INSR: variants seen among roughly 807,000 people sequenced by gnomAD.
The protein encoded by INSR is insulin receptor, also known as IR.
A neutral mutation model predicts 142.6 loss-of-function variants in INSR; 67 were observed. That is an observed-to-expected ratio of 0.47 (90% confidence interval 0.39 to 0.58). The LOEUF is 0.58. Ranked by LOEUF, INSR falls within the 20% of genes least tolerant of loss-of-function variation. INSR has a pLI of 0.00. For missense variants in INSR, 1,248 were observed against 1,833.2 expected (o/e 0.68, Z 5.83); for synonymous variants, 756 against 743.1 (o/e 1.02, Z -0.28).
chr19:7,183,264 GT>G, intron 3 of INSR, among the ~76,000 whole-genome samples: 1 of 26,182 alleles, frequency 3.8e-5, no homozygotes, highest in Non-Finnish European at 7.4e-5. Context: ...TTGTTTTGTG[GT>G]GTGTGTGTGT....
In INSR at chr19:7,174,608, A is replaced by G. The variant is rs2229435; in HGVS notation, c.1098T>C (p.Ser366=). ...ELRGCTVING[S]LIINIRGGNN... is the part of the protein sequence containing the mutation. ...TGCCTCCTCGAATGTTGATGATCAG[A>G]CTCCCGTTGATGACGGTGCATCCTC... Residue 366 remains serine, a synonymous_variant, in exon 4 of 22, where the codon AGT becomes AGC. Transcript: ENST00000302850. The G allele has an allele frequency of 0.013, 21,758 of 1,613,494 alleles. 173 individuals are homozygous for G. Among genetic ancestry groups the G allele is most frequent in the Non-Finnish European group, 0.016 (19,172 of 1,179,878 alleles).
chr19:7,119,643 C>G lies in INSR; in HGVS notation c.3660-60G>C. ...CCATTTAGACACACACACACACGCG[C>G]GCGCGCAAACACACACACGCAAACG... On this transcript the variant is annotated intron_variant, in intron 20 of 21. Coordinates refer to ENST00000302850, the MANE Select transcript of INSR (RefSeq NM_000208.4). This position sits in a 1 kb window ranked among gnomAD's most constrained non-coding sequence, Gnocchi z 5.2. 6.3e-7 allele frequency: 1 copy of G among 1,587,864 alleles called. No individual in the cohort carries two copies. The highest frequency in any genetic ancestry group is 8.6e-7 in the Non-Finnish European group (1 of 1,163,452).
chr19:7,118,912 C>T (rs1972407342), intron 21 of INSR, among the ~76,000 whole-genome samples: 1 of 59,784 alleles, frequency 1.7e-5, no homozygotes, highest in African/African-American at 7.5e-5. Context: ...AAGATTCCGT[C>T]TCAAAAAAAA....
chr19:7,125,364 G>A lies in INSR; in HGVS notation c.3177C>T (p.Val1059=). ...GCTCTCGGAGACTGGCTGACTCGTT[G>A]ACCGTCTTCACCGCCACGCGGGTCT... ...EAETRVAVKT[V]NESASLRERI... is the part of the protein sequence containing the mutation. The change falls in exon 17 of 22, where the codon GTC becomes GTT. Residue 1059 remains valine (V), a synonymous_variant. Transcript: ENST00000302850. The surrounding 1 kb of genome is among the most constrained non-coding windows in gnomAD (Gnocchi z 4.9). The A allele has an allele frequency of 6.2e-7, 1 of 1,614,106 alleles. No homozygotes were observed. Among genetic ancestry groups the A allele is most frequent in the Non-Finnish European group, 8.5e-7 (1 of 1,180,026 alleles).
intron 1 of INSR, among the ~76,000 whole-genome samples, chr19:7,280,219 G>C (rs550785898): frequency 5.3e-5 from 8 of 151,188 alleles, no homozygotes; most frequent in African/African-American, 1.9e-4. Flanking sequence ...AGTCGAGACT[G>C]CGCCACTGCA....
At position 7,166,081 on chromosome 19, in the gene INSR, C is replaced by A; in HGVS notation, c.1861+73G>T. The stretch of plus-strand genomic sequence containing the variant: ...CCATATCAAGGAGCATTTTATACAA[C>A]CTCACTGCATCAGCCTATTAAAAGC... On this transcript the variant is annotated intron_variant, in intron 8 of 21. Transcript: ENST00000302850. The surrounding 1 kb of genome is among the most constrained non-coding windows in gnomAD (Gnocchi z 4.1). The A allele has an allele frequency of 6.4e-7, 1 of 1,558,292 alleles. No homozygotes were observed.
At chr19:7,247,611 G>A (rs770789639) in intron 2 of INSR, among the ~76,000 whole-genome samples, 2 of 152,104 alleles carry the variant, frequency 1.3e-5, no homozygotes, top group Non-Finnish European at 2.9e-5. Context: ...TCGAAAGAGG[G>A]GATATACCAG....
At chr19:7,184,262 A>T (rs1974356738) in intron 3 of INSR, 54 bp downstream of exon 3, 1 of 1,520,346 alleles carries the variant, frequency 6.6e-7, no homozygotes, top group African/African-American at 1.4e-5. Flanking sequence ...GTCACAACCA[A>T]CCCCACGTTC....
intron 1 of INSR, among the ~76,000 whole-genome samples, chr19:7,274,306 G>C (rs954353373): frequency 4.6e-5 from 7 of 151,780 alleles, no homozygotes; most frequent in African/African-American, 1.7e-4. Context: ...GCGGAGCTCA[G>C]GCGGCAATGC....
Position 7,267,215 on chromosome 19 carries a change from G to T in INSR, c.652+130C>A. The T allele has an allele frequency of 1.1e-6, 1 of 944,538 alleles. No homozygotes were observed. Among genetic ancestry groups the T allele is most frequent in the Non-Finnish European group, 1.7e-6 (1 of 597,554 alleles). The allele number at this position is 944,538 out of a possible 1,614,324, so 58.5% of individuals were successfully genotyped here. ...AAAATGTCTGCCACTCCCTGGGCTA[G>T]TGAATGCCACCACCCACTATTCCCC... On this transcript the variant is annotated intron_variant, in intron 2 of 21. Coordinates refer to ENST00000302850, the MANE Select transcript of INSR (RefSeq NM_000208.4). This position sits in a 1 kb window ranked among gnomAD's most constrained non-coding sequence, Gnocchi z 6.3.
At chr19:7,235,648 A>G (rs868542873) in intron 2 of INSR, among the ~76,000 whole-genome samples, 5 of 152,072 alleles carry the variant, frequency 3.3e-5, no homozygotes, top group African/African-American at 9.7e-5. Flanking sequence ...CCAGGGGTTC[A>G]AGACCAGCCT....
At chr19:7,279,199 TC>T (rs1317794871) in intron 1 of INSR, among the ~76,000 whole-genome samples, 8 of 151,370 alleles carry the variant, frequency 5.3e-5, no homozygotes, top group African/African-American at 1.9e-4. Context: ...GTGGCTCACA[TC>T]TATAATCCCA....
chr19:7,153,308 AAATCACAC>A (rs1973475050), intron 9 of INSR, among the ~76,000 whole-genome samples: 3 of 88,268 alleles, frequency 3.4e-5, no homozygotes, highest in Non-Finnish European at 8.1e-5. Context: ...CACACCACAC[AAATCACAC>A]ACACACCACA....
rs1975426079 is a variant in INSR at position 7,216,125 on chromosome 19, T to G, written c.653-31488A>C. ...ACCACCTGAGGTCAGGAGTTCTAGA[T>G]CAGCCTGACCAACATGGTGAAACCC... On this transcript the variant is annotated intron_variant, in intron 2 of 21. Coordinates refer to ENST00000302850, the MANE Select transcript of INSR (RefSeq NM_000208.4). The surrounding 1 kb of genome is among the most constrained non-coding windows in gnomAD (Gnocchi z 4.2). Among the ~76,000 whole-genome samples, 1 of 151,686 alleles carries G rather than the reference T, an allele frequency of 6.6e-6. No homozygotes were observed. Among genetic ancestry groups the G allele is most frequent in the South Asian group, 2.1e-4 (1 of 4,788 alleles).
Position 7,216,822 on chromosome 19 carries a change from T to G in INSR, c.653-32185A>C, listed in dbSNP as rs1421487108. The stretch of plus-strand genomic sequence containing the variant: ...ATGTAAAACGACATACATTTATTAT[T>G]TTCTCCTGCATCGGGATCTTACTCT... On this transcript the variant is annotated intron_variant, in intron 2 of 21. Coordinates refer to ENST00000302850, the MANE Select transcript of INSR (RefSeq NM_000208.4). The surrounding 1 kb of genome is among the most constrained non-coding windows in gnomAD (Gnocchi z 4.2). 6.6e-6 allele frequency among the ~76,000 whole-genome samples: 1 copy of G among 152,156 alleles called. No homozygotes were observed. The highest frequency in any genetic ancestry group is 2.4e-5 in the African/African-American group (1 of 41,436).
At chr19:7,200,177 A>C (rs1974914096) in intron 2 of INSR, among the ~76,000 whole-genome samples, 1 of 152,162 alleles carries the variant, frequency 6.6e-6, no homozygotes, top group South Asian at 2.1e-4. Context: ...CAGAAAGAAC[A>C]CCATCGGATT....
chr19:7,207,619 G>T (rs954519557), intron 2 of INSR, among the ~76,000 whole-genome samples: 2 of 150,674 alleles, frequency 1.3e-5, no homozygotes, highest in Admixed American at 1.3e-4. Flanking sequence ...TGTCTCCCTA[G>T]CCTGGCTAAA....
chr19:7,289,393 C>A (rs923435824), intron 1 of INSR, among the ~76,000 whole-genome samples: 1 of 141,988 alleles, frequency 7.0e-6, no homozygotes, highest in South Asian at 2.1e-4. Context: ...AATGAAGATT[C>A]TTTTTTCTTT....
Position 7,259,002 on chromosome 19 carries a change from TTC to T in INSR, c.652+8341_652+8342del, listed in dbSNP as rs1417117011. ...CTTTCCTCCTTCCTTCCTTCACTCC[TTC>T]TTTCATTTCTCCTTCCCTCCTTTCC... On this transcript the variant is annotated intron_variant, in intron 2 of 21. Transcript: ENST00000302850. 2.9e-5 allele frequency among the ~76,000 whole-genome samples: 4 copies of T among 138,308 alleles called. 1 individual carries two copies. The highest frequency in any genetic ancestry group is 6.5e-5 in the Non-Finnish European group (4 of 62,004). 90.7% of individuals were successfully genotyped at this position (138,308 alleles called of 152,430 possible).
Sources: allele counts gnomAD v4.1 joint callset (sites outside exome capture counted in the v4.1 genomes callset), GRCh38; gene constraint gnomAD v4.1.1; non-coding constraint Gnocchi (gnomAD v3.1); transcripts MANE v1.5; gene names NCBI Gene and HGNC (gene_info 2026-07-23, HGNC 2026-07-21).